DCUN1D1: variants seen among roughly 807,000 people sequenced by gnomAD.
DCUN1D1 encodes DCN1-like protein 1.
DCUN1D1 carries 3 observed loss-of-function variants against 39.0 expected under a neutral mutation model. That is an observed-to-expected ratio of 0.08 (90% CI 0.04 to 0.20). The LOEUF (loss-of-function observed/expected upper bound fraction) is 0.20, where lower values mean the gene tolerates loss of function less well. Ranked by LOEUF, DCUN1D1 falls within the 10% of genes least tolerant of loss-of-function variation. The pLI is 1.00. For synonymous variants in DCUN1D1, 82 were observed against 96.3 expected, an observed-to-expected ratio of 0.85 and a Z score of 0.87; for missense variants, 158 against 302.4, an observed-to-expected ratio of 0.52 and a Z score of 3.54.
chr3:182,963,792 G>A, intron 3 of DCUN1D1, 89 bp downstream of exon 3: 1 of 1,144,482 alleles, frequency 8.7e-7, no homozygotes, highest in Admixed American at 2.3e-5. Context: ...TTGTGGGCCA[G>A]CAAATCTTTA....
At chr3:182,980,336 C>T in intron 1 of DCUN1D1, 151 bp downstream of exon 1, 1 of 490,918 alleles carries the variant, frequency 2.0e-6, no homozygotes, top group Non-Finnish European at 2.7e-6. Context: ...GAGAGGCAGG[C>T]AGGAGAGCCC....
intron 6 of DCUN1D1, 79 bp downstream of exon 6, chr3:182,947,159 C>G: frequency 1.4e-6 from 1 of 718,584 alleles, no homozygotes; most frequent in East Asian, 3.0e-5. Context: ...CCGAGAAAAA[C>G]AAAAGTACCT....
chr3:182,956,293 T>C (rs535983536), intron 4 of DCUN1D1: 19 of 275,290 alleles, frequency 6.9e-5, no homozygotes, highest in Middle Eastern at 4.5e-4. Flanking sequence ...GCACGTTGCC[T>C]TTCTGGGAGC....
intron 4 of DCUN1D1, among the ~76,000 whole-genome samples, chr3:182,953,433 A>G (rs1391582462): frequency 6.6e-6 from 1 of 152,240 alleles, no homozygotes; most frequent in Non-Finnish European, 1.5e-5. Flanking sequence ...TTAACATAGT[A>G]GTTTACAGTA....
At chr3:182,955,717 A>G (rs1038245677) in intron 4 of DCUN1D1, 1 of 323,018 alleles carries the variant, frequency 3.1e-6, no homozygotes, top group African/African-American at 2.2e-5. Context: ...AGTAGCTGGG[A>G]TTACAGGCAC....
chr3:182,970,090 C>T (rs1371113552), intron 1 of DCUN1D1, among the ~76,000 whole-genome samples: 1 of 151,942 alleles, frequency 6.6e-6, no homozygotes, highest in Non-Finnish European at 1.5e-5. Flanking sequence ...GAGACTGTCG[C>T]TACAAAAATT....
chr3:182,969,312 A>G (rs1381397001), intron 1 of DCUN1D1, among the ~76,000 whole-genome samples: 1 of 152,242 alleles, frequency 6.6e-6, no homozygotes, highest in Non-Finnish European at 1.5e-5. Context: ...TGTACCAGGC[A>G]GTGTTCTGAT....
Position 182,938,966 on chromosome 3 carries a change from T to C in DCUN1D1, c.*6128A>G, listed in dbSNP as rs1726008683. ...CCACTCTTCGCTGACACATTTCTTC[T>C]CACCAGAGATCACTGAGGGACTGGA... On this transcript the variant is annotated 3_prime_UTR_variant, in exon 7 of 7. Transcript: ENST00000292782. 1 of 152,506 alleles carries C rather than the reference T, an allele frequency of 6.6e-6. No homozygotes were observed. Among genetic ancestry groups the C allele is most frequent in the South Asian group, 2.1e-4 (1 of 4,834 alleles). The allele number at this position is 152,506 out of a possible 1,614,324, so 9.4% of individuals were successfully genotyped here.
rs1213929416 is a variant in DCUN1D1, at chr3:182,961,292, C to G, written c.454G>C (p.Gly152Arg). 1 of 1,600,864 alleles carries G rather than the reference C, an allele frequency of 6.2e-7. No individual in the cohort carries two copies. The highest frequency in any genetic ancestry group is 8.5e-7 in the Non-Finnish European group (1 of 1,171,808). ...AACTGGTAAAAATCCTTAAATCGTC[C>G]TGGTTCTTTCAATTCTTGTTCCATC... ...PKMEQELKEP[G>R]RFKDFYQFTF... The change falls in exon 4 of 7, where the codon GGA becomes CGA. Residue 152 changes from glycine (G) to arginine (R), a missense_variant. By Grantham distance (125) the Gly-to-Arg change is moderately radical (BLOSUM62 -2). Around this residue, in one of 4 missense-constraint regions of DCUN1D1, gnomAD observed 107 missense variants for 174.7 expected, o/e 0.61. Transcript: ENST00000292782.
At chr3:182,981,455 C>G (rs976315707), upstream of DCUN1D1, among the ~76,000 whole-genome samples, 6 of 152,174 alleles carry the variant, frequency 3.9e-5, no homozygotes, top group Non-Finnish European at 7.3e-5. Flanking sequence ...TGGACAAATT[C>G]GTGCTGCAAG....
chr3:182,938,122 T>C lies in DCUN1D1; in HGVS notation c.*6972A>G, dbSNP rs1366026363. 1 of 152,196 alleles carries C rather than the reference T, an allele frequency of 6.6e-6. No individual in the cohort carries two copies. Among genetic ancestry groups the C allele is most frequent in the African/African-American group, 2.4e-5 (1 of 41,462 alleles). The allele number at this position is 152,196 out of a possible 1,614,324, so 9.4% of individuals were successfully genotyped here. On this transcript the variant is annotated 3_prime_UTR_variant, in exon 7 of 7. Coordinates refer to ENST00000292782, the MANE Select transcript of DCUN1D1 (RefSeq NM_020640.4). ...GTTAAAGGAAAATCTGTTGATATAATAGCTTCTTATATACTACATTAACTT... is the reference window on the plus strand; with the variant it reads ...GTTAAAGGAAAATCTGTTGATATAACAGCTTCTTATATACTACATTAACTT...
In DCUN1D1 at chr3:182,938,597, C is replaced by CA. The variant is rs1038827403; in HGVS notation, c.*6496dup. On this transcript the variant is annotated 3_prime_UTR_variant, in exon 7 of 7. Transcript: ENST00000292782. ...AAATCAAGATTGGCCATGGATTGAT[C>CA]ATGTTAACATGAGTTCATTATGCAA... The CA allele has an allele frequency of 2.0e-5, 3 of 152,154 alleles. No homozygotes were observed. Among genetic ancestry groups the CA allele is most frequent in the African/African-American group, 7.2e-5 (3 of 41,444 alleles). The allele number at this position is 152,154 out of a possible 1,614,324, so 9.4% of individuals were successfully genotyped here.
At chr3:182,947,708 A>C in intron 4 of DCUN1D1, 76 bp from the exon 5 acceptor site, 1 of 868,940 alleles carries the variant, frequency 1.2e-6, no homozygotes, top group Non-Finnish European at 1.8e-6. Flanking sequence ...ACAAACAAAA[A>C]AACAGGTATG....
intron 6 of DCUN1D1, among the ~76,000 whole-genome samples, chr3:182,946,420 G>A (rs1314413354): frequency 1.3e-5 from 2 of 151,990 alleles, no homozygotes; most frequent in Non-Finnish European, 2.9e-5. Flanking sequence ...AGGTGAACGT[G>A]GTGGCAGGCA....
At chr3:182,948,825 A>C (rs1336275671) in intron 4 of DCUN1D1, among the ~76,000 whole-genome samples, 1 of 152,070 alleles carries the variant, frequency 6.6e-6, no homozygotes, top group African/African-American at 2.4e-5. Flanking sequence ...TGAGTCGGGC[A>C]GATCACAAGG....
chr3:182,955,335 G>C (rs570343358), intron 4 of DCUN1D1: 27 of 545,122 alleles, frequency 5.0e-5, no homozygotes, highest in Admixed American at 4.7e-4. Context: ...TCTATGGTTG[G>C]AACTTAGATT....
At position 182,947,316 on chromosome 3, in the gene DCUN1D1, T is replaced by C; in HGVS notation, c.622A>G (p.Ile208Val). 1 of 1,606,864 alleles carries C rather than the reference T, an allele frequency of 6.2e-7. No individual in the cohort carries two copies. The highest frequency in any genetic ancestry group is 8.5e-7 in the Non-Finnish European group (1 of 1,176,490). ...AGAAGATTCCAAGTGTCTTTTGGTA[T>C]TGATCGTTTATGATGTTCCTATTTA... ...KFLLEHHKRS[I>V]PKDTWNLLLD... is the part of the protein sequence containing the mutation. The change falls in exon 6 of 7, where the codon ATA (isoleucine) becomes GTA (valine). Residue 208 changes from isoleucine to valine, a missense_variant. Coordinates refer to ENST00000292782, the MANE Select transcript of DCUN1D1 (RefSeq NM_020640.4).
intron 1 of DCUN1D1, among the ~76,000 whole-genome samples, chr3:182,977,714 G>A (rs1310899068): frequency 1.3e-5 from 2 of 151,886 alleles, no homozygotes; most frequent in African/African-American, 2.4e-5. Context: ...GATTACAGGC[G>A]TGAGCCACTG....
rs531988520 is a variant in DCUN1D1 at position 182,961,953 on chromosome 3, T to C, written c.390-597A>G. ...AAAAGCTCTAAGTACCAAGCCTTAC[T>C]TTCCTCATAGAGCCTTATGGTAGAA... On this transcript the variant is annotated intron_variant, in intron 3 of 6. Transcript: ENST00000292782. 9.2e-5 allele frequency among the ~76,000 whole-genome samples: 14 copies of C among 152,338 alleles called. No individual in the cohort carries two copies. The South Asian group carries it at 2.9e-3, about 32-fold the overall frequency.
Sources: gnomAD v4.1 joint callset for allele counts (sites outside exome capture counted in the v4.1 genomes callset) on GRCh38, gnomAD v4.1.1 for gene constraint, gnomAD v4.1.1 regional missense constraint, MANE v1.5 for transcripts, NCBI Gene and HGNC (gene_info 2026-07-23, HGNC 2026-07-21) for gene names.